Variants in OPHN1 observed in about 807,000 individuals in gnomAD.
OPHN1 encodes oligophrenin-1.
In OPHN1, 11 loss-of-function variants were observed where a neutral mutation model predicts 60.7. That is an observed-to-expected ratio of 0.18 (90% CI 0.11 to 0.30). The LOEUF (loss-of-function observed/expected upper bound fraction) is 0.30. Among genes scored for constraint, OPHN1 ranks in the 10% least tolerant of loss-of-function variants. The pLI, the probability that OPHN1 is intolerant of heterozygous loss-of-function variation, is 1.00. For synonymous variants in OPHN1, 226 were observed against 222.6 expected, an observed-to-expected ratio of 1.02 and a Z score of -0.14; for missense variants, 449 against 611.0, an observed-to-expected ratio of 0.73 and a Z score of 2.80.
chrX:68,073,305 GAGAA>G lies in OPHN1; in HGVS notation c.1687-10_1687-7del. On this transcript the variant is annotated splice_polypyrimidine_tract_variant and splice_region_variant and intron_variant, in intron 19 of 24. Coordinates refer to ENST00000355520, the MANE Select transcript of OPHN1 (RefSeq NM_002547.3). ...TCAGGTGGACCTAAATAGATCTGTG[GAGAA>G]AGAAGGAAGATATCTAGAGAATAAT... The G allele has an allele frequency of 8.4e-7, 1 of 1,191,740 alleles. No homozygotes were observed. The highest frequency in any genetic ancestry group is 3.0e-5 in the East Asian group (1 of 33,627).
chrX:68,067,926 T>C (rs1434484806), intron 20 of OPHN1, among the ~76,000 whole-genome samples: 1 of 111,911 alleles, frequency 8.9e-6, no homozygotes, highest in African/African-American at 3.3e-5. Context: ...ATAAGATAGA[T>C]GAGTGCAAAT....
intron 15 of OPHN1, among the ~76,000 whole-genome samples, chrX:68,140,668 G>A (rs1325231714): frequency 9.1e-6 from 1 of 109,784 alleles, no homozygotes; most frequent in African/African-American, 3.3e-5. Context: ...GGCCCTAAGT[G>A]AAAACAGCTG....
At chrX:68,376,734 A>G (rs1183284051) in intron 2 of OPHN1, among the ~76,000 whole-genome samples, 5 of 111,199 alleles carry the variant, frequency 4.5e-5, no homozygotes, top group African/African-American at 1.6e-4. Flanking sequence ...CCTTGTACCA[A>G]CTGTGCTTTG....
At position 68,411,055 on chromosome X, in the gene OPHN1, T is replaced by G. The variant is rs771467805; in HGVS notation, c.154+21812A>C. On this transcript the variant is annotated intron_variant, in intron 2 of 24. Transcript: ENST00000355520. ...AATCAACTGACAAAAGGCAAATTAA[T>G]AGGAGAAAAGGCATACAATTTATTA... 1.2e-3 allele frequency among the ~76,000 whole-genome samples: 133 copies of G among 112,005 alleles called. 1 individual carries two copies. The highest frequency in any genetic ancestry group is 4.0e-3 in the African/African-American group (124 of 30,913).
intron 6 of OPHN1, among the ~76,000 whole-genome samples, chrX:68,218,133 C>G: frequency 1.1e-5 from 1 of 89,002 alleles, no homozygotes; most frequent in Middle Eastern, 5.5e-3. Flanking sequence ...GTGAAGAATG[C>G]AGAAGCCTCA....
chrX:68,064,708 TTC>T (rs1321430343), intron 20 of OPHN1, among the ~76,000 whole-genome samples: 1 of 112,099 alleles, frequency 8.9e-6, no homozygotes, highest in Non-Finnish European at 1.9e-5. Flanking sequence ...CTTTCAGTGG[TTC>T]TGAGACTTAC....
chrX:68,311,122 C>T (rs985845823), intron 2 of OPHN1, among the ~76,000 whole-genome samples: 2 of 110,312 alleles, frequency 1.8e-5, no homozygotes, highest in African/African-American at 6.6e-5. Flanking sequence ...TTAAAATCAC[C>T]AGGAATGGTG....
intron 18 of OPHN1, among the ~76,000 whole-genome samples, chrX:68,105,745 G>A (rs911178954): frequency 1.2e-4 from 13 of 109,287 alleles, no homozygotes; most frequent in African/African-American, 1.7e-4. Flanking sequence ...ACCATGGCAC[G>A]GGTATACCTA....
intron 2 of OPHN1, among the ~76,000 whole-genome samples, chrX:68,332,056 T>G (rs2078297888): frequency 9.1e-6 from 1 of 110,400 alleles, no homozygotes; most frequent in African/African-American, 3.3e-5. Flanking sequence ...AATAAATAAA[T>G]AAATAAGAAA....
At chrX:68,401,445 C>G (rs2078714031) in intron 2 of OPHN1, among the ~76,000 whole-genome samples, 3 of 112,067 alleles carry the variant, frequency 2.7e-5, no homozygotes, top group Admixed American at 9.5e-5. Context: ...TTTCTAAAAG[C>G]CTGATACACA....
chrX:68,128,814 A>G (rs1369830735), intron 15 of OPHN1, among the ~76,000 whole-genome samples: 1 of 112,330 alleles, frequency 8.9e-6, no homozygotes, highest in Non-Finnish European at 1.9e-5. Context: ...GCTACTCAAA[A>G]GGAAAATGAT....
chrX:68,398,011 T>C (rs949110602), intron 2 of OPHN1, among the ~76,000 whole-genome samples: 5 of 111,566 alleles, frequency 4.5e-5, no homozygotes, highest in African/African-American at 1.6e-4. Flanking sequence ...CAGGAGAGAC[T>C]GAGAGCCAGC....
At chrX:68,073,480 C>T (rs777754677) in intron 19 of OPHN1, among the ~76,000 whole-genome samples, 181 bp from the exon 20 acceptor site, 27 of 111,980 alleles carry the variant, frequency 2.4e-4, no homozygotes, top group Non-Finnish European at 4.5e-4. Context: ...GTTTAGGTAT[C>T]TCCTACTATG....
At chrX:68,052,286 T>C (rs1206062089) in intron 23 of OPHN1, among the ~76,000 whole-genome samples, 2 of 61,161 alleles carry the variant, frequency 3.3e-5, no homozygotes, top group African/African-American at 2.7e-4. Flanking sequence ...TGAGACACCA[T>C]CTCAAAAAAA....
intron 11 of OPHN1, among the ~76,000 whole-genome samples, chrX:68,198,488 T>C (rs747402737): frequency 1.3e-4 from 15 of 111,949 alleles, no homozygotes; most frequent in Non-Finnish European, 2.4e-4. Flanking sequence ...AAGACACTAC[T>C]AACTACCCAG....
intron 2 of OPHN1, among the ~76,000 whole-genome samples, chrX:68,390,005 C>A (rs1022554640): frequency 9.0e-6 from 1 of 111,295 alleles, no homozygotes; most frequent in South Asian, 3.8e-4. Context: ...GAAGCAAACA[C>A]GTCCTTCTTA....
intron 15 of OPHN1, among the ~76,000 whole-genome samples, chrX:68,184,436 C>T (rs112690665): frequency 0.2 from 21,182 of 104,529 alleles, 1,969 homozygotes; most frequent in African/African-American, 0.29. Context: ...GCAGGAGAAT[C>T]GCTTAAACCC....
At chrX:68,400,494 G>A (rs1162057868) in intron 2 of OPHN1, among the ~76,000 whole-genome samples, 2 of 111,610 alleles carry the variant, frequency 1.8e-5, no homozygotes, top group African/African-American at 3.2e-5. Flanking sequence ...AGGCTGTACA[G>A]GAAGCATAGT....
chrX:68,385,733 G>C (rs1486376240), intron 2 of OPHN1, among the ~76,000 whole-genome samples: 3 of 112,015 alleles, frequency 2.7e-5, no homozygotes, highest in Non-Finnish European at 5.6e-5. Flanking sequence ...ACACACAGGA[G>C]GAACTTTATT....
Sources: gnomAD v4.1 joint callset for allele counts (sites outside exome capture counted in the v4.1 genomes callset) on GRCh38, gnomAD v4.1.1 for gene constraint, MANE v1.5 for transcripts, NCBI Gene and HGNC (gene_info 2026-07-23, HGNC 2026-07-21) for gene names.